Variants in TRABD2A observed in about 807,000 individuals in gnomAD.
TRABD2A encodes TraB domain containing 2A, also known as metalloprotease TIKI1.
TRABD2A carries 43 observed loss-of-function variants against 45.6 expected under a neutral mutation model. That is an observed-to-expected ratio of 0.94 (90% confidence interval 0.74 to 1.22). TRABD2A has a LOEUF of 1.22. TRABD2A is among the 50% of genes most tolerant of loss of function. TRABD2A has a pLI of 0.00. For missense variants in TRABD2A, 642 were observed against 652.4 expected (o/e 0.98, Z 0.17); for synonymous variants, 269 against 265.0 (o/e 1.02, Z -0.15).
At chr2:84,855,852 G>T (rs562731900) in intron 2 of TRABD2A, among the ~76,000 whole-genome samples, 6 of 152,122 alleles carry the variant, frequency 3.9e-5, no homozygotes, top group Non-Finnish European at 5.9e-5. Flanking sequence ...GGGTGAGGGG[G>T]TTCGAGTCCG....
chr2:84,858,686 A>G (rs1422030232), intron 2 of TRABD2A, among the ~76,000 whole-genome samples: 1 of 152,154 alleles, frequency 6.6e-6, no homozygotes, highest in Non-Finnish European at 1.5e-5. Flanking sequence ...AGGCTCTTCA[A>G]TCAATATGAG....
chr2:84,879,998 C>G (rs994164101), intron 1 of TRABD2A, among the ~76,000 whole-genome samples: 3 of 151,098 alleles, frequency 2.0e-5, no homozygotes, highest in South Asian at 2.1e-4. Flanking sequence ...ACCCCCAACC[C>G]CCCCCACCCC....
rs1462461531 is a variant in TRABD2A, at chr2:84,870,244, T to C, written c.650A>G (p.Asn217Ser). The C allele has an allele frequency of 1.2e-6, 2 of 1,611,960 alleles. No homozygotes were observed. Among genetic ancestry groups the C allele is most frequent in the East Asian group, 2.2e-5 (1 of 44,814 alleles). ...TCTTACCTGTGAAAAGTTCAACCCA[T>C]TCAATGGATGGCACTGCTCTTCCAC... ...EKVEEQCHPL[N>S]GLNFSQVIFA... Residue 217 changes from asparagine to serine, a missense_variant, in exon 2 of 7, where the codon AAT becomes AGT. Physicochemically the swap from Asn to Ser is conservative, Grantham distance 46. Transcript: ENST00000409520.
chr2:84,862,262 G>T (rs1187994468), intron 2 of TRABD2A, among the ~76,000 whole-genome samples: 2 of 152,226 alleles, frequency 1.3e-5, no homozygotes, highest in African/African-American at 4.8e-5. Flanking sequence ...CTGGCAGGGG[G>T]ACTCTTTGGA....
chr2:84,879,527 T>C, intron 1 of TRABD2A: 1 of 916,008 alleles, frequency 1.1e-6, no homozygotes, highest in Non-Finnish European at 1.3e-6. Context: ...GACCAAAAGG[T>C]AGGACGATGG....
chr2:84,879,653 TGAG>T, intron 1 of TRABD2A: 1 of 977,764 alleles, frequency 1.0e-6, no homozygotes, highest in Non-Finnish European at 1.2e-6. Context: ...TGCTTTCTTG[TGAG>T]GAGATGGACT....
chr2:84,824,268 C>T (rs1442600666), intron 5 of TRABD2A, 64 bp from the exon 6 acceptor site: 2 of 1,586,064 alleles, frequency 1.3e-6, no homozygotes, highest in Admixed American at 3.8e-5. Flanking sequence ...CCCTCCCCAG[C>T]TCTCTTACAC....
At chr2:84,861,060 A>G (rs1682479214) in intron 2 of TRABD2A, among the ~76,000 whole-genome samples, 1 of 152,194 alleles carries the variant, frequency 6.6e-6, no homozygotes, top group East Asian at 1.9e-4. Flanking sequence ...AGACATCTGC[A>G]AACACTTTCC....
At chr2:84,875,279 C>A (rs1441896573) in intron 1 of TRABD2A, among the ~76,000 whole-genome samples, 1 of 152,122 alleles carries the variant, frequency 6.6e-6, no homozygotes, top group Non-Finnish European at 1.5e-5. Flanking sequence ...GACGAGGGGC[C>A]CACTATGGGG....
At chr2:84,835,158 G>C (rs934979346) in intron 4 of TRABD2A, 4 of 152,168 alleles carry the variant, frequency 2.6e-5, no homozygotes, top group Non-Finnish European at 5.9e-5. Context: ...ATATGTGAAA[G>C]TGCAGCAAGA....
chr2:84,873,259 G>T (rs1311435560), intron 1 of TRABD2A, among the ~76,000 whole-genome samples: 1 of 149,776 alleles, frequency 6.7e-6, no homozygotes, highest in East Asian at 2.0e-4. Flanking sequence ...CTACTAAAAA[G>T]ACAAAAATTA....
chr2:84,846,918 T>C (rs961002219), intron 2 of TRABD2A, among the ~76,000 whole-genome samples: 1 of 152,222 alleles, frequency 6.6e-6, no homozygotes, highest in Non-Finnish European at 1.5e-5. Context: ...GGGAGGCAGG[T>C]CACTGCTATC....
intron 2 of TRABD2A, among the ~76,000 whole-genome samples, chr2:84,854,228 G>A (rs1682197119): frequency 6.6e-6 from 1 of 152,060 alleles, no homozygotes; most frequent in Non-Finnish European, 1.5e-5. Flanking sequence ...AATGCAACTT[G>A]CCATTTTATA....
At chr2:84,849,862 G>C (rs1682022876) in intron 2 of TRABD2A, among the ~76,000 whole-genome samples, 1 of 152,226 alleles carries the variant, frequency 6.6e-6, no homozygotes, top group Non-Finnish European at 1.5e-5. Flanking sequence ...CTCGCCAGAA[G>C]GGATGTGGGC....
rs1181336829 is a variant in TRABD2A, at chr2:84,832,023, C to G, written c.1082+32G>C. ...AGGCAGCCCCATGAGGGTCTCAGCTCCCCAGCCAAGATAGAAGCACAGGAC... is the reference window on the plus strand; with the variant it reads ...AGGCAGCCCCATGAGGGTCTCAGCTGCCCAGCCAAGATAGAAGCACAGGAC... On this transcript the variant is annotated intron_variant, in intron 5 of 6. Coordinates refer to ENST00000409520, the MANE Select transcript of TRABD2A (RefSeq NM_001277053.2). 4 of 1,612,490 alleles carry G rather than the reference C, an allele frequency of 2.5e-6. No individual in the cohort carries two copies. The South Asian group carries it at 4.4e-5, about 18-fold the overall frequency.
intron 2 of TRABD2A, among the ~76,000 whole-genome samples, chr2:84,869,921 G>A (rs1682815977): frequency 6.8e-6 from 1 of 147,976 alleles, no homozygotes; most frequent in Non-Finnish European, 1.5e-5. Context: ...AGAGGTTGCA[G>A]TGAACTGAGA....
intron 4 of TRABD2A, chr2:84,838,217 C>T (rs1437114601): frequency 1.4e-6 from 1 of 717,618 alleles, no homozygotes; most frequent in South Asian, 1.5e-5. Flanking sequence ...GTTCAAGGCT[C>T]CTGATTTTCA....
intron 2 of TRABD2A, among the ~76,000 whole-genome samples, chr2:84,857,308 G>A (rs1406966583): frequency 6.6e-6 from 1 of 152,204 alleles, no homozygotes; most frequent in African/African-American, 2.4e-5. Flanking sequence ...GACTGTCTCA[G>A]AAGGTCTCCA....
chr2:84,823,332 C>G (rs146178012), intron 6 of TRABD2A, among the ~76,000 whole-genome samples: 4 of 152,174 alleles, frequency 2.6e-5, no homozygotes, highest in Non-Finnish European at 1.5e-5. Context: ...AGGCAGGGCC[C>G]GTGTCTGGTT....
Sources: gnomAD v4.1 joint callset for allele counts (sites outside exome capture counted in the v4.1 genomes callset) on GRCh38, gnomAD v4.1.1 for gene constraint, MANE v1.5 for transcripts, NCBI Gene and HGNC (gene_info 2026-07-23, HGNC 2026-07-21) for gene names.